The following CCAR1 variants were observed in gnomAD, a reference collection of about 807,000 sequenced individuals.
CCAR1 encodes the protein cell division cycle and apoptosis regulator protein 1.
In CCAR1, 78 loss-of-function variants were observed where a neutral mutation model predicts 163.8. The ratio of observed to expected loss-of-function variants is 0.48; its 90% CI spans 0.40 to 0.57. The LOEUF is 0.57. Among genes scored for constraint, CCAR1 ranks in the 20% least tolerant of loss-of-function variants. The pLI is 0.00. For missense variants in CCAR1, 1,019 were observed against 1,365.2 expected (o/e 0.75, Z 4.00); for synonymous variants, 443 against 460.7 (o/e 0.96, Z 0.49).
intron 17 of CCAR1, among the ~76,000 whole-genome samples, chr10:68,768,246 C>T (rs1383820047): frequency 1.3e-5 from 2 of 151,284 alleles, no homozygotes; most frequent in African/African-American, 2.4e-5. Context: ...TTTTTTTTTC[C>T]AATGTTAATT....
rs2056792572 is a variant in CCAR1, at chr10:68,786,136, A to T, written c.2651A>T (p.Asp884Val). The T allele has an allele frequency of 6.2e-7, 1 of 1,605,516 alleles. No homozygotes were observed. Among genetic ancestry groups the T allele is most frequent in the African/African-American group, 1.3e-5 (1 of 74,706 alleles). The part of the protein sequence containing the change: ...EAEEAEDEED[D>V]RDEEEMTKRD... ...TGCCACTGTTATATTTATTTTACAG[A>T]TAGGGATGAGGAAGAAATGACCAAA... The change falls in exon 20 of 25, where the codon GAT (aspartate) becomes GTT (valine). Residue 884 changes from aspartate (D) to valine (V), a missense_variant and splice_region_variant. Transcript: ENST00000265872.
intron 1 of CCAR1, chr10:68,721,500 G>C (rs2055855764): frequency 2.3e-6 from 1 of 432,404 alleles, no homozygotes; most frequent in African/African-American, 2.1e-5. Context: ...CCCACCGCTC[G>C]GCTCCTCAGG....
chr10:68,730,326 A>AATAT lies in CCAR1; in HGVS notation c.74-6533_74-6530dup, dbSNP rs748641938. The stretch of plus-strand genomic sequence containing the variant: ...AAACTGATTGTAGTTTTTAAAAAAG[A>AATAT]ATATATATATATATATATATTTATT... On this transcript the variant is annotated intron_variant, in intron 2 of 24. Coordinates refer to ENST00000265872, the MANE Select transcript of CCAR1 (RefSeq NM_018237.4). 3.2e-3 allele frequency among the ~76,000 whole-genome samples: 470 copies of AATAT among 145,040 alleles called. 2 individuals carry two copies. The highest frequency in any genetic ancestry group is 3.9e-3 in the Non-Finnish European group (254 of 65,920).
Position 68,791,581 on chromosome 10 carries a change from C to A in CCAR1, c.*315C>A, listed in dbSNP as rs1408693459. On this transcript the variant is annotated 3_prime_UTR_variant, in exon 25 of 25. Coordinates refer to ENST00000265872, the MANE Select transcript of CCAR1 (RefSeq NM_018237.4). ...ACTGTAGTATTTAATTACCAAATTT[C>A]TTTTATTAAAATGCCTAGAAATTTT... The A allele has an allele frequency of 5.8e-6, 1 of 171,486 alleles. No homozygotes were observed. Among genetic ancestry groups the A allele is most frequent in the Non-Finnish European group, 1.2e-5 (1 of 80,428 alleles). The allele number at this position is 171,486 out of a possible 1,614,324, so 10.6% of individuals were successfully genotyped here.
intron 19 of CCAR1, among the ~76,000 whole-genome samples, chr10:68,778,446 G>C (rs963539437): frequency 2.0e-5 from 3 of 152,090 alleles, no homozygotes; most frequent in Non-Finnish European, 4.4e-5. Flanking sequence ...CACTTTGTCA[G>C]TGAAGCCTGC....
At chr10:68,773,511 A>T (rs1358016649) in intron 19 of CCAR1, among the ~76,000 whole-genome samples, 3 of 152,060 alleles carry the variant, frequency 2.0e-5, no homozygotes, top group African/African-American at 7.2e-5. Context: ...AAAAATACAA[A>T]AATTAGCCAG....
Position 68,737,010 on chromosome 10 carries a change from C to T in CCAR1, c.208C>T (p.Gln70Ter), listed in dbSNP as rs759525636. The change falls in exon 3 of 25, where the codon CAG becomes TAG. Residue 70 changes from glutamine (Q) to a stop codon, truncating the protein, a stop_gained. Transcript: ENST00000265872. LOFTEE classifies it high-confidence loss of function. ...NYQLTQTAAL[Q>*]QQAAAAAAAL... ...TCAGTTAACACAAACTGCTGCATTGCAGCAACAAGCCGCAGCTGCAGCAGC... is the reference window on the plus strand; with the variant it reads ...TCAGTTAACACAAACTGCTGCATTGTAGCAACAAGCCGCAGCTGCAGCAGC... 1 of 1,611,394 alleles carries T rather than the reference C, an allele frequency of 6.2e-7. No individual in the cohort carries two copies. The highest frequency in any genetic ancestry group is 8.5e-7 in the Non-Finnish European group (1 of 1,179,120).
intron 19 of CCAR1, among the ~76,000 whole-genome samples, chr10:68,775,597 C>T (rs1159042643): frequency 6.7e-6 from 1 of 149,620 alleles, no homozygotes; most frequent in Non-Finnish European, 1.5e-5. Context: ...GCAACCTCTG[C>T]CTCCCGGGTT....
chr10:68,755,031 AG>A, intron 12 of CCAR1: 1 of 589,060 alleles, frequency 1.7e-6, no homozygotes, highest in Non-Finnish European at 3.0e-6. Context: ...CTAGTTCAAC[AG>A]TCATTTTGAT....
intron 20 of CCAR1, 50 bp downstream of exon 20, chr10:68,786,268 T>C (rs773601729): frequency 1.6e-6 from 2 of 1,254,174 alleles, no homozygotes; most frequent in African/African-American, 3.0e-5. Flanking sequence ...TCTTACATCA[T>C]CTAAACATAA....
At chr10:68,730,991 C>A (rs886239131) in intron 2 of CCAR1, among the ~76,000 whole-genome samples, 1 of 152,092 alleles carries the variant, frequency 6.6e-6, no homozygotes, top group African/African-American at 2.4e-5. Flanking sequence ...CTGTGCCTGG[C>A]CTAAATTTTA....
At chr10:68,745,879 A>G (rs1033635361) in intron 6 of CCAR1, among the ~76,000 whole-genome samples, 1 of 152,146 alleles carries the variant, frequency 6.6e-6, no homozygotes, top group Admixed American at 6.5e-5. Context: ...ACTGACTGCA[A>G]GTGATCGTTT....
chr10:68,774,870 A>C (rs2056644499), intron 19 of CCAR1: 1 of 354,718 alleles, frequency 2.8e-6, no homozygotes, highest in Non-Finnish European at 5.3e-6. Flanking sequence ...GTTCTTTTCT[A>C]GGTAGATTTG....
At chr10:68,731,618 T>G (rs1253804543) in intron 2 of CCAR1, among the ~76,000 whole-genome samples, 1 of 110,044 alleles carries the variant, frequency 9.1e-6, no homozygotes, top group Admixed American at 1.2e-4. Flanking sequence ...TTTTTTTTGG[T>G]AGAATCTTGC....
At chr10:68,770,885 G>A (rs2056593399) in intron 17 of CCAR1, among the ~76,000 whole-genome samples, 1 of 152,188 alleles carries the variant, frequency 6.6e-6, no homozygotes, top group Admixed American at 6.5e-5. Flanking sequence ...AGACCATCCT[G>A]GCTGACATGG....
chr10:68,723,367 G>A (rs947033785), intron 2 of CCAR1, among the ~76,000 whole-genome samples: 11 of 150,196 alleles, frequency 7.3e-5, no homozygotes, highest in African/African-American at 2.7e-4. Flanking sequence ...CTGACCTTGC[G>A]ATATGCCCGC....
At chr10:68,775,016 C>G in intron 19 of CCAR1, 2 of 357,020 alleles carry the variant, frequency 5.6e-6, no homozygotes, top group East Asian at 9.8e-5. Flanking sequence ...TTTCTTCTCT[C>G]TACCATATCA....
At chr10:68,765,543 G>T (rs563614520) in intron 16 of CCAR1, among the ~76,000 whole-genome samples, 4 of 152,048 alleles carry the variant, frequency 2.6e-5, no homozygotes, top group Non-Finnish European at 5.9e-5. Context: ...TGTCTTTTTA[G>T]TGTGAGGTTT....
chr10:68,759,282 G>GCA (rs2056438848), intron 15 of CCAR1: 1 of 152,288 alleles, frequency 6.6e-6, no homozygotes, highest in Non-Finnish European at 1.5e-5. Context: ...GGGCATAGTG[G>GCA]CACACGCCTG....
Sources: gnomAD v4.1 joint callset for allele counts (sites outside exome capture counted in the v4.1 genomes callset) on GRCh38, gnomAD v4.1.1 for gene constraint, MANE v1.5 for transcripts, NCBI Gene and HGNC (gene_info 2026-07-23, HGNC 2026-07-21) for gene names.